PCSK2: variants seen among roughly 807,000 people sequenced by gnomAD.
PCSK2 encodes proprotein convertase subtilisin/kexin type 2, also known as neuroendocrine convertase 2.
A neutral mutation model predicts 69.7 loss-of-function variants in PCSK2; 14 were observed. The observed-to-expected ratio is 0.20, with a 90% CI of 0.13 to 0.31. The LOEUF (loss-of-function observed/expected upper bound fraction) is 0.31, where lower values mean the gene tolerates loss of function less well. PCSK2 is among the 10% of genes least tolerant of loss of function. The pLI is 1.00. For missense variants in PCSK2, 544 were observed against 842.5 expected (o/e 0.65, Z 4.39); for synonymous variants, 307 against 320.7 (o/e 0.96, Z 0.46).
chr20:17,398,228 A>G (rs922196727), intron 5 of PCSK2, among the ~76,000 whole-genome samples: 3 of 152,170 alleles, frequency 2.0e-5, no homozygotes, highest in African/African-American at 7.2e-5. Context: ...TTTCACAAAT[A>G]AAAGAATCAG....
At chr20:17,237,481 C>T (rs1415691272) in intron 1 of PCSK2, among the ~76,000 whole-genome samples, 1 of 152,026 alleles carries the variant, frequency 6.6e-6, no homozygotes, top group Non-Finnish European at 1.5e-5. Context: ...GGAGTCAGAA[C>T]TTGGACGGTT....
intron 6 of PCSK2, among the ~76,000 whole-genome samples, chr20:17,427,221 G>A (rs967821600): frequency 6.6e-6 from 1 of 152,150 alleles, no homozygotes; most frequent in African/African-American, 2.4e-5. Flanking sequence ...GGTAAAAGAG[G>A]TTGTTTTATT....
At chr20:17,471,061 C>A (rs548473081) in intron 11 of PCSK2, among the ~76,000 whole-genome samples, 1 of 152,128 alleles carries the variant, frequency 6.6e-6, no homozygotes, top group African/African-American at 2.4e-5. Context: ...ACAAGCCAGA[C>A]GGACTTCTAA....
At chr20:17,324,394 A>G in intron 2 of PCSK2, among the ~76,000 whole-genome samples, 1 of 152,120 alleles carries the variant, frequency 6.6e-6, no homozygotes, top group Non-Finnish European at 1.5e-5. Context: ...CTACCTACCT[A>G]TTCTTATCAG....
At chr20:17,303,249 T>C (rs1030396365) in intron 2 of PCSK2, among the ~76,000 whole-genome samples, 5 of 141,182 alleles carry the variant, frequency 3.5e-5, no homozygotes, top group African/African-American at 1.3e-4. Flanking sequence ...TAGATAATTA[T>C]ATATAATATA....
rs891132774 is a variant in PCSK2 at position 17,363,753 on chromosome 20, A to T, written c.505+3113A>T. Among the ~76,000 whole-genome samples the T allele has an allele frequency of 2.6e-5, 4 of 152,380 alleles. No homozygotes were observed. In the East Asian group the frequency reaches 7.7e-4, roughly 29 times the overall value. ...GCTGAAGTAAGAATAAACAACTAAC[A>T]GTAAAAACGACGAACATTTATTGAG... On this transcript the variant is annotated intron_variant, in intron 4 of 11. Coordinates refer to ENST00000262545, the MANE Select transcript of PCSK2 (RefSeq NM_002594.5).
At chr20:17,277,985 G>A (rs536822005) in intron 2 of PCSK2, among the ~76,000 whole-genome samples, 3 of 152,128 alleles carry the variant, frequency 2.0e-5, no homozygotes, top group African/African-American at 7.2e-5. Context: ...ATCATCACTG[G>A]CCATCAGAGA....
chr20:17,248,369 T>C (rs374295592), intron 1 of PCSK2, among the ~76,000 whole-genome samples: 6 of 152,332 alleles, frequency 3.9e-5, no homozygotes, highest in African/African-American at 1.4e-4. Context: ...ATCTCAGGAA[T>C]GCATCGATCA....
chr20:17,411,618 C>T (rs1167700964), intron 6 of PCSK2, among the ~76,000 whole-genome samples: 2 of 152,256 alleles, frequency 1.3e-5, no homozygotes, highest in Non-Finnish European at 2.9e-5. Flanking sequence ...GCAGAAGCTT[C>T]TGCAGACTTA....
At position 17,393,228 on chromosome 20, in the gene PCSK2, G is replaced by A. The variant is rs73257669; in HGVS notation, c.544-16035G>A. Among the ~76,000 whole-genome samples the A allele has an allele frequency of 2.1e-3, 314 of 152,210 alleles. 1 individual carries two copies. The highest frequency in any genetic ancestry group is 7.2e-3 in the African/African-American group (299 of 41,522). On this transcript the variant is annotated intron_variant, in intron 5 of 11. Transcript: ENST00000262545. The stretch of plus-strand genomic sequence containing the variant: ...CTTGCCCGTTTTTATTTTAGGTCTC[G>A]TGTCAAGCTAAGCTAAGATACTTCA...
intron 8 of PCSK2, among the ~76,000 whole-genome samples, chr20:17,438,789 G>A (rs1473938512): frequency 1.3e-5 from 2 of 152,254 alleles, no homozygotes; most frequent in Admixed American, 6.5e-5. Flanking sequence ...ACTAAGGCAG[G>A]AGCCTGTTTG....
intron 2 of PCSK2, among the ~76,000 whole-genome samples, chr20:17,297,955 T>A (rs911079952): frequency 6.6e-6 from 1 of 152,220 alleles, no homozygotes; most frequent in Non-Finnish European, 1.5e-5. Flanking sequence ...CTATGTATTA[T>A]CAAAACAAAT....
At chr20:17,291,955 T>C (rs545636169) in intron 2 of PCSK2, among the ~76,000 whole-genome samples, 1 of 152,028 alleles carries the variant, frequency 6.6e-6, no homozygotes, top group East Asian at 1.9e-4. Flanking sequence ...TCAAGAAAAA[T>C]CTAGGGGTAA....
At chr20:17,452,255 G>GGGT (rs2032839071) in intron 8 of PCSK2, among the ~76,000 whole-genome samples, 1 of 1,284 alleles carries the variant, frequency 7.8e-4, no homozygotes, top group Non-Finnish European at 1.2e-3. Context: ...CCAACTGTAG[G>GGGT]GATATCTATT....
chr20:17,470,993 G>A (rs576160311), intron 11 of PCSK2, among the ~76,000 whole-genome samples: 8 of 152,264 alleles, frequency 5.3e-5, no homozygotes, highest in South Asian at 2.1e-4. Flanking sequence ...AATGTACTGC[G>A]GCCCTCTTAG....
intron 2 of PCSK2, among the ~76,000 whole-genome samples, chr20:17,310,818 C>T (rs964784551): frequency 1.3e-5 from 2 of 151,332 alleles, no homozygotes; most frequent in African/African-American, 2.4e-5. Flanking sequence ...GGTGAAACCC[C>T]GTCTCTACTA....
chr20:17,267,151 T>G (rs971385352), intron 2 of PCSK2, among the ~76,000 whole-genome samples: 1 of 152,110 alleles, frequency 6.6e-6, no homozygotes, highest in Non-Finnish European at 1.5e-5. Context: ...GAGATTGAAC[T>G]GAACTAAGAG....
chr20:17,394,296 A>T (rs1043308097), intron 5 of PCSK2, among the ~76,000 whole-genome samples: 9 of 152,214 alleles, frequency 5.9e-5, no homozygotes, highest in Admixed American at 1.3e-4. Flanking sequence ...TATTTATCTG[A>T]TACATTTGTT....
chr20:17,325,089 C>T (rs1156319662), intron 2 of PCSK2, among the ~76,000 whole-genome samples: 1 of 152,132 alleles, frequency 6.6e-6, no homozygotes, highest in Non-Finnish European at 1.5e-5. Flanking sequence ...GTCAGATCCC[C>T]CACAAATGCA....
Sources: allele counts gnomAD v4.1 joint callset (sites outside exome capture counted in the v4.1 genomes callset), GRCh38; gene constraint gnomAD v4.1.1; transcripts MANE v1.5; gene names NCBI Gene and HGNC (gene_info 2026-07-23, HGNC 2026-07-21).